BMPR1B: variants seen among roughly 807,000 people sequenced by gnomAD.
BMPR1B encodes bone morphogenetic protein receptor type 1B.
A neutral mutation model predicts 59.1 loss-of-function variants in BMPR1B; 12 were observed. The ratio of observed to expected loss-of-function variants is 0.20; its 90% CI spans 0.13 to 0.33. The LOEUF is 0.33. Among genes scored for constraint, BMPR1B ranks in the 10% least tolerant of loss-of-function variants. BMPR1B has a pLI of 1.00. For synonymous variants in BMPR1B, 237 were observed against 207.3 expected (o/e 1.14, Z -1.23); for missense variants, 550 against 610.9 (o/e 0.90, Z 1.05).
chr4:95,151,332 C>T lies in BMPR1B; in HGVS notation c.1253-1311C>T, dbSNP rs146485913. ...ACCTACCCCACCCCATCCATCAGTC[C>T]ATCCACCAGCGGAAAATAGGAGATG... On this transcript the variant is annotated intron_variant, in intron 11 of 12. Coordinates refer to ENST00000515059, the MANE Select transcript of BMPR1B (RefSeq NM_001203.3). Among the ~76,000 whole-genome samples, 292 of 152,280 alleles carry T rather than the reference C, an allele frequency of 1.9e-3. 3 individuals are homozygous for T. Among genetic ancestry groups the T allele is most frequent in the African/African-American group, 6.6e-3 (274 of 41,548 alleles).
chr4:95,132,287 A>G (rs1227457094), intron 10 of BMPR1B, among the ~76,000 whole-genome samples: 1 of 152,238 alleles, frequency 6.6e-6, no homozygotes, highest in African/African-American at 2.4e-5. Flanking sequence ...CCATTAATAA[A>G]TGTTGGATCA....
chr4:95,136,544 CT>C (rs1173693325), intron 10 of BMPR1B, among the ~76,000 whole-genome samples: 6 of 152,118 alleles, frequency 3.9e-5, no homozygotes. Context: ...TGGTCCTAGA[CT>C]TTTTTTCGTT....
At chr4:94,821,427 T>C (rs1042680984) in intron 1 of BMPR1B, among the ~76,000 whole-genome samples, 6 of 152,136 alleles carry the variant, frequency 3.9e-5, no homozygotes, top group African/African-American at 1.2e-4. Flanking sequence ...TATATAGATA[T>C]GATATATGCA....
chr4:94,961,988 T>C (rs1730370943), intron 2 of BMPR1B, among the ~76,000 whole-genome samples: 1 of 152,144 alleles, frequency 6.6e-6, no homozygotes, highest in Admixed American at 6.5e-5. Context: ...TATAATAAAT[T>C]GTTCTTAACT....
At chr4:94,940,368 T>C (rs1299854152) in intron 2 of BMPR1B, among the ~76,000 whole-genome samples, 1 of 152,216 alleles carries the variant, frequency 6.6e-6, no homozygotes, top group African/African-American at 2.4e-5. Context: ...GTATATTTTA[T>C]GTGTGGCCCA....
At chr4:94,773,995 C>G (rs1002089614) in intron 1 of BMPR1B, among the ~76,000 whole-genome samples, 2 of 152,004 alleles carry the variant, frequency 1.3e-5, no homozygotes, top group Non-Finnish European at 2.9e-5. Context: ...GTCTGGGAAA[C>G]CTGATACGTG....
At chr4:94,862,101 TAAAA>T (rs565580056) in intron 1 of BMPR1B, among the ~76,000 whole-genome samples, 2 of 144,144 alleles carry the variant, frequency 1.4e-5, no homozygotes, top group African/African-American at 2.5e-5. Flanking sequence ...GAAAAGCCTT[TAAAA>T]AAAAAAAAGA....
chr4:95,147,676 A>G (rs1361676682), intron 10 of BMPR1B, among the ~76,000 whole-genome samples: 2 of 152,098 alleles, frequency 1.3e-5, no homozygotes, highest in Admixed American at 6.6e-5. Context: ...TTTATAGTAT[A>G]CCTTATTTGG....
chr4:95,124,767 A>T (rs988689793), intron 7 of BMPR1B, among the ~76,000 whole-genome samples: 2 of 152,128 alleles, frequency 1.3e-5, no homozygotes, highest in Non-Finnish European at 2.9e-5. Flanking sequence ...CTGAGTAAAA[A>T]TATGTAGTTT....
At chr4:94,984,634 T>G (rs995195738) in intron 2 of BMPR1B, among the ~76,000 whole-genome samples, 1 of 152,208 alleles carries the variant, frequency 6.6e-6, no homozygotes, top group Admixed American at 6.5e-5. Context: ...TGGACATATT[T>G]TTATCGTGTT....
Position 94,770,182 on chromosome 4 carries a change from G to GTTTTTTTTTTTTTTTTTTTTTT in BMPR1B, c.-183+12117_-183+12118insTTTTTTTTTTTTTTTTTTTTTT. 8.0e-3 allele frequency among the ~76,000 whole-genome samples: 318 copies of GTTTTTTTTTTTTTTTTTTTTTT among 39,880 alleles called. 26 individuals are homozygous for GTTTTTTTTTTTTTTTTTTTTTT. The highest frequency in any genetic ancestry group is 9.4e-3 in the Non-Finnish European group (192 of 20,480). The allele number at this position is 39,880 out of a possible 152,430, so 26.2% of individuals were successfully genotyped here. ...TGTTTGAATTGTCCTTCGTTTCTGTGTTTGTTTTTTTTTTTTTTTTTTGCG... is the reference window on the plus strand; with the variant it reads ...TGTTTGAATTGTCCTTCGTTTCTGTGTTTTTTTTTTTTTTTTTTTTTTTTTGTTTTTTTTTTTTTTTTTTGCG... On this transcript the variant is annotated intron_variant, in intron 1 of 12. Transcript: ENST00000515059.
chr4:94,931,329 T>C (rs1015524535), intron 2 of BMPR1B, among the ~76,000 whole-genome samples: 18 of 152,166 alleles, frequency 1.2e-4, no homozygotes, highest in African/African-American at 4.3e-4. Context: ...CTTTAGACTT[T>C]TAAAGTTACA....
At chr4:94,840,364 C>G in intron 1 of BMPR1B, among the ~76,000 whole-genome samples, 1 of 148,336 alleles carries the variant, frequency 6.7e-6, no homozygotes, top group Non-Finnish European at 1.5e-5. Context: ...TGTTTTTCAA[C>G]TTGGTTCCAT....
chr4:95,134,171 T>C (rs895904079), intron 10 of BMPR1B, among the ~76,000 whole-genome samples: 7 of 152,174 alleles, frequency 4.6e-5, no homozygotes, highest in African/African-American at 1.7e-4. Context: ...TGGTTTCCAG[T>C]TTCATCCATG....
chr4:95,033,685 G>C (rs1816462), intron 3 of BMPR1B, among the ~76,000 whole-genome samples: 6,309 of 152,196 alleles, frequency 0.041, 444 homozygotes, highest in African/African-American at 0.14. Flanking sequence ...TAGACATGGA[G>C]GCATTTCCAG....
At chr4:94,998,714 A>T (rs1250790813) in intron 3 of BMPR1B, among the ~76,000 whole-genome samples, 4 of 152,038 alleles carry the variant, frequency 2.6e-5, no homozygotes, top group Non-Finnish European at 1.5e-5. Flanking sequence ...CACCCTGATG[A>T]ACCCATTGCT....
intron 1 of BMPR1B, among the ~76,000 whole-genome samples, chr4:94,815,876 C>G (rs527404710): frequency 1.3e-5 from 2 of 152,270 alleles, no homozygotes; most frequent in African/African-American, 4.8e-5. Flanking sequence ...TTAGTGTGAT[C>G]TGTTGTATCA....
chr4:95,154,450 A>G (rs905707397), intron 12 of BMPR1B, 98 bp from the exon 13 acceptor site: 7 of 1,549,938 alleles, frequency 4.5e-6, no homozygotes, highest in Non-Finnish European at 6.2e-6. Flanking sequence ...ACCTTTTAAA[A>G]ATATATTCAA....
At chr4:95,061,972 C>T (rs560595626) in intron 3 of BMPR1B, among the ~76,000 whole-genome samples, 1 of 152,070 alleles carries the variant, frequency 6.6e-6, no homozygotes, top group Non-Finnish European at 1.5e-5. Context: ...TGGCACTTCC[C>T]CATTCACTCA....
Sources: allele counts gnomAD v4.1 joint callset (sites outside exome capture counted in the v4.1 genomes callset), GRCh38; gene constraint gnomAD v4.1.1; transcripts MANE v1.5; gene names NCBI Gene and HGNC (gene_info 2026-07-23, HGNC 2026-07-21).